Variants in PCDH11X observed in about 807,000 individuals in gnomAD.
PCDH11X encodes protocadherin 11 X-linked, also known as protocadherin-11 X-linked.
Under a neutral mutation model 53.3 loss-of-function variants are expected in PCDH11X, and 18 were observed. The ratio of observed to expected loss-of-function variants is 0.34; its 90% confidence interval spans 0.23 to 0.50. PCDH11X has a LOEUF of 0.50. Ranked by LOEUF, PCDH11X falls within the 20% of genes least tolerant of loss-of-function variation. PCDH11X has a pLI of 0.98. For missense variants in PCDH11X, 570 were observed against 1,032.4 expected (o/e 0.55, Z 6.14); for synonymous variants, 279 against 393.3 (o/e 0.71, Z 3.44).
At chrX:92,540,823 G>T (rs2074743824) in intron 10 of PCDH11X, among the ~76,000 whole-genome samples, 1 of 107,457 alleles carries the variant, frequency 9.3e-6, no homozygotes, top group Non-Finnish European at 1.9e-5. Flanking sequence ...TCTGCCTCTA[G>T]CCCAGGTTGA....
In PCDH11X at chrX:92,501,649, G is replaced by A. The variant is rs191907322; in HGVS notation, c.3367+33327G>A. Among the ~76,000 whole-genome samples, 353 of 111,366 alleles carry A rather than the reference G, an allele frequency of 3.2e-3. 2 individuals carry two copies. The highest frequency in any genetic ancestry group is 3.4e-3 in the Non-Finnish European group (183 of 53,059). On this transcript the variant is annotated intron_variant, in intron 10 of 10. Transcript: ENST00000682573. Reference sequence around the variant, plus strand: ...CGATCATTTCAATAAATGCAGAAAAGGCCTTCGATAAAATTCAACATCCTT... The same window carrying A: ...CGATCATTTCAATAAATGCAGAAAAAGCCTTCGATAAAATTCAACATCCTT...
intron 5 of PCDH11X, among the ~76,000 whole-genome samples, chrX:91,847,236 G>A (rs1014170123): frequency 9.0e-6 from 1 of 110,595 alleles, no homozygotes; most frequent in African/African-American, 3.3e-5. Context: ...CACAATCATG[G>A]CATGCTACAG....
intron 8 of PCDH11X, among the ~76,000 whole-genome samples, chrX:92,318,909 C>T (rs2069138167): frequency 9.0e-6 from 1 of 111,661 alleles, no homozygotes; most frequent in Non-Finnish European, 1.9e-5. Context: ...ATTTCACCAG[C>T]ATTATAACAT....
At chrX:92,617,164 T>C (rs1170108623) in intron 10 of PCDH11X, among the ~76,000 whole-genome samples, 1 of 112,050 alleles carries the variant, frequency 8.9e-6, no homozygotes, top group Non-Finnish European at 1.9e-5. Context: ...TCAGCTGTTA[T>C]CTTTTTGTAG....
intron 6 of PCDH11X, among the ~76,000 whole-genome samples, chrX:92,147,851 C>CTTTCTTTCTTTCTTT (rs1410054680): frequency 1.0e-5 from 1 of 95,264 alleles, no homozygotes; most frequent in East Asian, 3.3e-4. Flanking sequence ...TTCTTTCTTT[C>CTTTCTTTCTTTCTTT]TTTTTTCTTT....
intron 5 of PCDH11X, among the ~76,000 whole-genome samples, chrX:91,848,064 G>A (rs1227377435): frequency 8.9e-6 from 1 of 111,818 alleles, no homozygotes; most frequent in Non-Finnish European, 1.9e-5. Flanking sequence ...TCCCTAAATA[G>A]CCATTTGTCT....
chrX:91,806,626 A>G (rs10482063), intron 1 of PCDH11X, among the ~76,000 whole-genome samples: 25,644 of 110,183 alleles, frequency 0.23, 2,421 homozygotes, highest in East Asian at 0.28. Context: ...TGCGTATGCA[A>G]GTTACAATTT....
chrX:92,567,630 C>A (rs1163808991), intron 10 of PCDH11X, among the ~76,000 whole-genome samples: 1 of 109,307 alleles, frequency 9.1e-6, no homozygotes, highest in Non-Finnish European at 1.9e-5. Flanking sequence ...TTTTCTCCTG[C>A]CAGATTGCCC....
At chrX:92,323,044 G>A (rs890690508) in intron 8 of PCDH11X, among the ~76,000 whole-genome samples, 1 of 110,746 alleles carries the variant, frequency 9.0e-6, no homozygotes, top group African/African-American at 3.3e-5. Flanking sequence ...ATCCTTTCTA[G>A]GTTATCTGCT....
intron 4 of PCDH11X, among the ~76,000 whole-genome samples, chrX:91,817,729 A>T: frequency 9.0e-6 from 1 of 111,080 alleles, no homozygotes; most frequent in Non-Finnish European, 1.9e-5. Context: ...ACAGCTCTAG[A>T]TGCTTATAGT....
chrX:92,183,982 T>G (rs753225184), intron 6 of PCDH11X, among the ~76,000 whole-genome samples: 178 of 1,199 alleles, frequency 0.15, no homozygotes, highest in African/African-American at 0.21. Context: ...AATAGACTAT[T>G]TTTTTTTTTT....
rs184497166 is a variant in PCDH11X at position 91,850,731 on chromosome X, T to A, written c.540+14687T>A. Among the ~76,000 whole-genome samples the A allele has an allele frequency of 1.4e-3, 160 of 111,281 alleles. 1 individual carries two copies. The highest frequency in any genetic ancestry group is 2.1e-3 in the Non-Finnish European group (110 of 52,907). ...ATGTATACCTTGTTCTTTTTTCACT[T>A]TTAAATTAAAACATGTGGCTGCTCA... On this transcript the variant is annotated intron_variant, in intron 5 of 10. Coordinates refer to ENST00000682573, the MANE Select transcript of PCDH11X (RefSeq NM_032968.5).
chrX:91,784,133 A>AT (rs747293828), intron 1 of PCDH11X, among the ~76,000 whole-genome samples: 39 of 111,939 alleles, frequency 3.5e-4, no homozygotes, highest in South Asian at 7.4e-4. Context: ...ATCTTTGAAT[A>AT]TTTTTTTCCA....
chrX:92,049,551 TTTAG>T (rs1245251638), intron 6 of PCDH11X, among the ~76,000 whole-genome samples: 1 of 110,693 alleles, frequency 9.0e-6, no homozygotes, highest in Non-Finnish European at 1.9e-5. Flanking sequence ...GAATTTTAAT[TTTAG>T]TAAGATTGAA....
intron 10 of PCDH11X, among the ~76,000 whole-genome samples, chrX:92,576,037 C>CCTG (rs1922915087): frequency 1.1e-5 from 1 of 89,075 alleles, no homozygotes. Flanking sequence ...CACACACACA[C>CCTG]AGGTGCTATA....
At chrX:92,246,447 G>A (rs371624037) in intron 7 of PCDH11X, among the ~76,000 whole-genome samples, 3 of 111,121 alleles carry the variant, frequency 2.7e-5, no homozygotes, top group African/African-American at 3.3e-5. Flanking sequence ...CCACCTCCCG[G>A]GTTCAAACGA....
intron 8 of PCDH11X, among the ~76,000 whole-genome samples, chrX:92,274,456 C>G (rs747104219): frequency 6.3e-5 from 7 of 110,847 alleles, no homozygotes; most frequent in East Asian, 5.7e-4. Context: ...TCTGACAGAA[C>G]GGAAGAAATG....
intron 10 of PCDH11X, among the ~76,000 whole-genome samples, chrX:92,541,335 C>T (rs6615424): frequency 0.16 from 17,921 of 108,652 alleles, 1,254 homozygotes; most frequent in East Asian, 0.51. Context: ...CAGGCAGCAC[C>T]GAGTACAATG....
At chrX:91,985,283 G>T (rs771568340) in intron 6 of PCDH11X, among the ~76,000 whole-genome samples, 1 of 111,933 alleles carries the variant, frequency 8.9e-6, no homozygotes, top group African/African-American at 3.2e-5. Flanking sequence ...CAGGCGGGTG[G>T]ATCACAAGGT....
Sources: allele counts gnomAD v4.1 joint callset (sites outside exome capture counted in the v4.1 genomes callset), GRCh38; gene constraint gnomAD v4.1.1; transcripts MANE v1.5; gene names NCBI Gene and HGNC (gene_info 2026-07-23, HGNC 2026-07-21).